The following DNAH2 variants were observed in gnomAD, a reference collection of about 807,000 sequenced individuals.
The protein encoded by DNAH2 is dynein axonemal heavy chain 2, also known as axonemal beta dynein heavy chain 2.
A neutral mutation model predicts 523.5 loss-of-function variants in DNAH2; 323 were observed. The observed-to-expected ratio is 0.62, with a 90% CI of 0.56 to 0.68. The LOEUF is 0.68. Among genes scored for constraint, DNAH2 ranks in the 30% least tolerant of loss-of-function variants. The probability of loss-of-function intolerance (pLI) is 0.00; values close to 1 mark genes in which losing one functional copy is unlikely to be tolerated. For missense variants in DNAH2, 4,907 were observed against 5,701.5 expected (o/e 0.86, Z 4.49); for synonymous variants, 2,093 against 2,177.4 (o/e 0.96, Z 1.08).
rs2077090998 is a variant in DNAH2 at position 7,797,224 on chromosome 17, T to C, written c.7912T>C (p.Ser2638Pro). The C allele has an allele frequency of 1.2e-6, 2 of 1,613,532 alleles. No homozygotes were observed. Among genetic ancestry groups the C allele is most frequent in the Non-Finnish European group, 1.7e-6 (2 of 1,179,960 alleles). Residue 2638 changes from serine to proline, a missense_variant, in exon 51 of 86, where the codon TCC (serine) becomes CCC (proline). Ser to Pro is a moderately conservative substitution (Grantham distance 74, BLOSUM62 -1). Transcript: ENST00000572933. ...RANKDFHDTK[S>P]SITRLWIHEC... Reference sequence around the variant, plus strand: ...CAACAAGGACTTCCATGATACCAAGTCCAGCATCACACGGCTCTGGATCCA... The same window carrying C: ...CAACAAGGACTTCCATGATACCAAGCCCAGCATCACACGGCTCTGGATCCA...
At chr17:7,741,264 T>TCCCTCCC in intron 11 of DNAH2, among the ~76,000 whole-genome samples, 2 of 44,898 alleles carry the variant, frequency 4.5e-5, no homozygotes, top group African/African-American at 2.6e-4. Context: ...CTTTCTTTCT[T>TCCCTCCC]TCTTTCTTTC....
At position 7,781,050 on chromosome 17, in the gene DNAH2, G is replaced by T. The variant is rs773831133; in HGVS notation, c.6012G>T (p.Leu2004=). The T allele has an allele frequency of 4.3e-6, 7 of 1,614,104 alleles. No individual in the cohort carries two copies. The highest frequency in any genetic ancestry group is 1.1e-5 in the South Asian group (1 of 91,086). Residue 2004 remains leucine, a synonymous_variant, in exon 39 of 86, where the codon CTG becomes CTT. Transcript: ENST00000572933. ...QPDLTDEEVL[L]LSMRDMNIAK... is the part of the protein sequence containing the mutation. ...TGTCTTTTCCCATTCAGGTTCTGCT[G>T]CTCTCAATGAGAGATATGAACATCG...
In DNAH2 at chr17:7,734,285, G is replaced by A. The variant is rs1160975417; in HGVS notation, c.731G>A (p.Arg244Gln). 1.0e-5 allele frequency: 16 copies of A among 1,607,398 alleles called. No individual in the cohort carries two copies. In the East Asian group the frequency reaches 1.3e-4, roughly 13 times the overall value. Residue 244 changes from arginine (R) to glutamine (Q), a missense_variant, in exon 6 of 86, where the codon CGG becomes CAG. Physicochemically the swap from Arg to Gln is conservative, Grantham distance 43 (BLOSUM62 1). Coordinates refer to ENST00000572933, the MANE Select transcript of DNAH2 (RefSeq NM_020877.5). ...ATAAAGGACAAAGAGCTGGTGCAAC[G>A]GCTAGAGAGTGAGTGGCTGGCACTG... ...MVIKDKELVQ[R>Q]LETSMIHWTR...
At position 7,807,232 on chromosome 17, in the gene DNAH2, C is replaced by A. The variant is rs754787852; in HGVS notation, c.9525C>A (p.Tyr3175Ter). The A allele has an allele frequency of 1.2e-6, 2 of 1,613,838 alleles. No individual in the cohort carries two copies. The highest frequency in any genetic ancestry group is 2.7e-5 in the African/African-American group (2 of 75,076). Reference protein sequence around the residue: ...SDKVLKKIGAYCAQPDFQPDI... With the variant: ...SDKVLKKIGA ...AGGTTCTGAAGAAGATTGGGGCCTA[C>A]TGCGCCCAGCCTGACTTCCAGCCTG... is the stretch of plus-strand genomic sequence containing the variant. The change falls in exon 62 of 86, where the codon TAC becomes TAA. Residue 3175 changes from tyrosine (Y) to a stop codon, truncating the protein, a stop_gained. Coordinates refer to ENST00000572933, the MANE Select transcript of DNAH2 (RefSeq NM_020877.5). LOFTEE classifies it high-confidence loss of function. The surrounding 1 kb of genome is among the most constrained non-coding windows in gnomAD (Gnocchi z 5.6).
rs2077405695 is a variant in DNAH2, at chr17:7,807,727, C to T, written c.9729+141C>T. Reference sequence around the variant, plus strand: ...ATTCCAGTCCTGTCTCCTTCCCACTCTGTGCCCTGTTTAGACTGGGCTGCC... The same window carrying T: ...ATTCCAGTCCTGTCTCCTTCCCACTTTGTGCCCTGTTTAGACTGGGCTGCC... On this transcript the variant is annotated intron_variant, in intron 63 of 85. Transcript: ENST00000572933. The surrounding 1 kb of genome is among the most constrained non-coding windows in gnomAD (Gnocchi z 5.6). 1.3e-6 allele frequency: 1 copy of T among 748,880 alleles called. No individual in the cohort carries two copies. The highest frequency in any genetic ancestry group is 1.7e-5 in the African/African-American group (1 of 57,388). 46.4% of individuals were successfully genotyped at this position (748,880 alleles called of 1,614,324 possible). A position where few individuals can be genotyped will look rare whatever the true frequency, so the allele number is the denominator to read the frequency against.
intron 12 of DNAH2, 38 bp downstream of exon 12, chr17:7,743,180 C>T (rs746389350): frequency 6.2e-7 from 1 of 1,600,208 alleles, no homozygotes; most frequent in Non-Finnish European, 8.6e-7. Context: ...CTATACTCCC[C>T]TTCTGCAGCT....
At chr17:7,738,931 T>C in intron 8 of DNAH2, 1 of 702,068 alleles carries the variant, frequency 1.4e-6, no homozygotes, top group Non-Finnish European at 2.6e-6. Flanking sequence ...ACACAGGTTC[T>C]CCAGTCGGGG....
At chr17:7,818,283 C>G in intron 68 of DNAH2, 29 bp from the exon 69 acceptor site, 3 of 1,612,344 alleles carry the variant, frequency 1.9e-6, no homozygotes, top group African/African-American at 1.3e-5. Flanking sequence ...CACATGGAGT[C>G]CTTGCCCCTG....
intron 64 of DNAH2, among the ~76,000 whole-genome samples, chr17:7,816,938 G>C (rs988034157): frequency 6.6e-5 from 10 of 152,128 alleles, no homozygotes; most frequent in African/African-American, 2.4e-4. Flanking sequence ...TGCATTATTA[G>C]GGATCTGCTT....
At chr17:7,811,809 A>T (rs2077525663) in intron 63 of DNAH2, among the ~76,000 whole-genome samples, 1 of 152,106 alleles carries the variant, frequency 6.6e-6, no homozygotes, top group Admixed American at 6.5e-5. Context: ...GAGACATGAC[A>T]TTTGGACCGT....
Position 7,776,796 on chromosome 17 carries a change from T to C in DNAH2, c.4965T>C (p.Ser1655=). The change falls in exon 32 of 86, where the codon AGT becomes AGC. Residue 1655 remains serine, a synonymous_variant. Coordinates refer to ENST00000572933, the MANE Select transcript of DNAH2 (RefSeq NM_020877.5). ...EWAGQVVITA[S]QIQWTADVTK... ...ATCCCCAGGTGGTGATCACTGCCAG[T>C]CAGATCCAGTGGACGGCTGATGTCA... is the stretch of plus-strand genomic sequence containing the variant. 6.2e-7 allele frequency: 1 copy of C among 1,612,574 alleles called. No individual in the cohort carries two copies.
chr17:7,818,884 C>T (rs1433261380), intron 70 of DNAH2, 35 bp from the exon 71 acceptor site: 2 of 1,608,146 alleles, frequency 1.2e-6, no homozygotes, highest in East Asian at 2.2e-5. Context: ...GTCCCGCTAA[C>T]CCCTTGCTCC....
At position 7,741,293 on chromosome 17, in the gene DNAH2, TCTTCCTTC is replaced by T. The variant is rs770097953; in HGVS notation, c.1689+307_1689+314del. Among the ~76,000 whole-genome samples the T allele has an allele frequency of 2.6e-3, 159 of 61,564 alleles. 4 individuals carry two copies. The highest frequency in any genetic ancestry group is 6.0e-3 in the Admixed American group (31 of 5,144). 40.4% of individuals were successfully genotyped at this position (61,564 alleles called of 152,430 possible). On this transcript the variant is annotated intron_variant, in intron 11 of 85. Transcript: ENST00000572933. ...TTCTTTCTTTCTTTCTTTCTTTCTT[TCTTCCTTC>T]CTTCCCTCCCTCCCTCCCTCCCTCC...
At chr17:7,750,509 G>T (rs1567638341) in intron 12 of DNAH2, among the ~76,000 whole-genome samples, 1 of 152,090 alleles carries the variant, frequency 6.6e-6, no homozygotes, top group Non-Finnish European at 1.5e-5. Context: ...AATGGTGCAG[G>T]GGAGGTAAAT....
chr17:7,786,938 G>A lies in DNAH2; in HGVS notation c.6508G>A (p.Val2170Met), dbSNP rs779013637. ...DEKWILFDGP[V>M]DTLWIENMNS... ...GAAGTGGATCCTGTTCGATGGCCCC[G>A]TGGACACACTGTGGATCGAGAACAT... Residue 2170 changes from valine to methionine, a missense_variant, in exon 42 of 86, where the codon GTG (valine) becomes ATG (methionine). Transcript: ENST00000572933. This position sits in a 1 kb window ranked among gnomAD's most constrained non-coding sequence, Gnocchi z 7.5. 6.2e-6 allele frequency: 10 copies of A among 1,614,240 alleles called. No homozygotes were observed. Among genetic ancestry groups the A allele is most frequent in the South Asian group, 5.5e-5 (5 of 91,086 alleles).
rs1256096366 is a variant in DNAH2, at chr17:7,719,848, C to T, written c.114C>T (p.Ala38=). 5.0e-6 allele frequency: 8 copies of T among 1,602,760 alleles called. No homozygotes were observed. Among genetic ancestry groups the T allele is most frequent in the Non-Finnish European group, 6.8e-6 (8 of 1,174,332 alleles). The change falls in exon 2 of 86, where the codon GCC becomes GCT. Residue 38 remains alanine, a synonymous_variant. Transcript: ENST00000572933. ...TGGCCACACAGGAGCAGGGGAATGC[C>T]CCGGCTGTCAGTGAGCCAGAGCTGC... ...AAVATQEQGN[A]PAVSEPELQA... is the part of the protein sequence containing the mutation.
In DNAH2 at chr17:7,799,186, C is replaced by T. The variant is rs369284368; in HGVS notation, c.8643C>T (p.Arg2881=). The part of the protein sequence containing the change: ...SDSLFAYLIE[R]VQNNLHIVLC... Reference sequence around the variant, plus strand: ...GCCTCTTCGCCTACCTCATTGAACGCGTGCAGAACAACCTGCACATCGTGC... The same window carrying T: ...GCCTCTTCGCCTACCTCATTGAACGTGTGCAGAACAACCTGCACATCGTGC... The change falls in exon 56 of 86, where the codon CGC becomes CGT. Residue 2881 remains arginine (R), a synonymous_variant. Transcript: ENST00000572933. 24 of 1,614,126 alleles carry T rather than the reference C, an allele frequency of 1.5e-5. No homozygotes were observed. The highest frequency in any genetic ancestry group is 1.5e-4 in the African/African-American group (11 of 74,942).
intron 42 of DNAH2, 135 bp from the exon 43 acceptor site, chr17:7,787,725 G>C: frequency 8.1e-7 from 1 of 1,234,950 alleles, no homozygotes; most frequent in Non-Finnish European, 1.1e-6. Context: ...GACGGAGTGA[G>C]ACTTTGTCTT....
intron 44 of DNAH2, among the ~76,000 whole-genome samples, chr17:7,791,290 C>T (rs1328482708): frequency 1.3e-5 from 2 of 151,344 alleles, no homozygotes; most frequent in African/African-American, 4.9e-5. Context: ...AGGCTGGTCT[C>T]GAACTCGTGA....
Sources: gnomAD v4.1 joint callset for allele counts (sites outside exome capture counted in the v4.1 genomes callset) on GRCh38, gnomAD v4.1.1 for gene constraint, Gnocchi (gnomAD v3.1) non-coding constraint, MANE v1.5 for transcripts, NCBI Gene and HGNC (gene_info 2026-07-23, HGNC 2026-07-21) for gene names.